Variants in PRKAG2 observed in about 807,000 individuals in gnomAD.
The protein encoded by PRKAG2 is protein kinase AMP-activated non-catalytic subunit gamma 2, also known as 5'-AMP-activated protein kinase subunit gamma-2.
PRKAG2 carries 26 observed loss-of-function variants against 69.6 expected under a neutral mutation model. The ratio of observed to expected loss-of-function variants is 0.37; its 90% CI spans 0.27 to 0.52. PRKAG2 has a LOEUF of 0.52. PRKAG2 is among the 20% of genes least tolerant of loss of function. The pLI is 0.90. For missense variants in PRKAG2, 557 were observed against 740.0 expected (o/e 0.75, Z 2.87); for synonymous variants, 293 against 285.0 (o/e 1.03, Z -0.28).
chr7:151,559,282 C>A lies in PRKAG2; in HGVS notation c.1678+1242G>T, dbSNP rs114303372. On this transcript the variant is annotated intron_variant, in intron 15 of 15. Coordinates refer to ENST00000287878, the MANE Select transcript of PRKAG2 (RefSeq NM_016203.4). Reference sequence around the variant, plus strand: ...ATCGAATGAATGTGACACAATTTATCCATTCTTCTTTTCAAAGATATTTGG... The same window carrying A: ...ATCGAATGAATGTGACACAATTTATACATTCTTCTTTTCAAAGATATTTGG... 788 of 979,308 alleles carry A rather than the reference C, an allele frequency of 8.0e-4. 3 individuals carry two copies. The African/African-American group carries it at 0.01, about 13-fold the overall frequency. 60.7% of individuals were successfully genotyped at this position (979,308 alleles called of 1,614,324 possible). A position where few individuals can be genotyped will look rare whatever the true frequency, so the allele number is the denominator to read the frequency against.
intron 1 of PRKAG2, among the ~76,000 whole-genome samples, chr7:151,789,291 G>C (rs1005065994): frequency 6.6e-6 from 1 of 152,138 alleles, no homozygotes; most frequent in African/African-American, 2.4e-5. Flanking sequence ...ATAAACATAG[G>C]ATGTGTTTTC....
At chr7:151,686,052 T>C (rs880916) in intron 3 of PRKAG2, among the ~76,000 whole-genome samples, 3,858 of 152,166 alleles carry the variant, frequency 0.025, 162 homozygotes, top group African/African-American at 0.088. Context: ...CCCCACTGAG[T>C]CTAACCCGAC....
intron 1 of PRKAG2, among the ~76,000 whole-genome samples, chr7:151,804,313 A>G (rs1367798599): frequency 6.6e-6 from 1 of 152,144 alleles, no homozygotes; most frequent in Non-Finnish European, 1.5e-5. Context: ...CTTGGTCCAT[A>G]CTTCATATTT....
chr7:151,788,007 GC>G lies in PRKAG2; in HGVS notation c.115-1467del, dbSNP rs1277847289. Reference sequence around the variant, plus strand: ...GAGAAAACATATTTCTGTTGTTTAAGCCACCCCACTTAATCTGTAGTGCTTT... The same window carrying G: ...GAGAAAACATATTTCTGTTGTTTAAGCACCCCACTTAATCTGTAGTGCTTT... On this transcript the variant is annotated intron_variant, in intron 1 of 15. Transcript: ENST00000287878. The surrounding 1 kb of genome is among the most constrained non-coding windows in gnomAD (Gnocchi z 4.6). Among the ~76,000 whole-genome samples, 18 of 152,284 alleles carry G rather than the reference GC, an allele frequency of 1.2e-4. No homozygotes were observed. The highest frequency in any genetic ancestry group is 2.9e-5 in the Non-Finnish European group (2 of 68,026).
chr7:151,646,687 A>G (rs1827616714), intron 4 of PRKAG2, among the ~76,000 whole-genome samples: 1 of 152,232 alleles, frequency 6.6e-6, no homozygotes. Context: ...TGTATTATAC[A>G]TAACTCTGAT....
intron 3 of PRKAG2, among the ~76,000 whole-genome samples, chr7:151,752,148 A>G (rs745443285): frequency 1.6e-4 from 25 of 152,222 alleles, no homozygotes; most frequent in Non-Finnish European, 2.5e-4. Flanking sequence ...CATGGAATCA[A>G]CCTAAATGCC....
chr7:151,779,404 T>C (rs1442890645), intron 3 of PRKAG2, among the ~76,000 whole-genome samples: 1 of 152,092 alleles, frequency 6.6e-6, no homozygotes, highest in Non-Finnish European at 1.5e-5. Context: ...TCCCCGCTCC[T>C]CCCTCTCACC....
chr7:151,579,812 G>T (rs959443862), intron 6 of PRKAG2, among the ~76,000 whole-genome samples: 1 of 152,080 alleles, frequency 6.6e-6, no homozygotes, highest in Non-Finnish European at 1.5e-5. Context: ...GCTAGAGGGG[G>T]AAAAGACACA....
At chr7:151,735,450 TC>T (rs1799621755) in intron 3 of PRKAG2, among the ~76,000 whole-genome samples, 2 of 152,038 alleles carry the variant, frequency 1.3e-5, no homozygotes, top group South Asian at 4.1e-4. Flanking sequence ...GTGTTTCCCC[TC>T]CCACATTAGC....
intron 4 of PRKAG2, among the ~76,000 whole-genome samples, chr7:151,669,685 G>T (rs1467981789): frequency 7.1e-6 from 1 of 140,886 alleles, no homozygotes; most frequent in African/African-American, 2.6e-5. Flanking sequence ...TGGGCACCTC[G>T]ACTTAAATGT....
chr7:151,581,745 T>A lies in PRKAG2; in HGVS notation c.865-5293A>T, dbSNP rs143755697. 1.8e-4 allele frequency among the ~76,000 whole-genome samples: 27 copies of A among 152,294 alleles called. No homozygotes were observed. The East Asian group carries it at 4.2e-3, about 24-fold the overall frequency. On this transcript the variant is annotated intron_variant, in intron 6 of 15. Transcript: ENST00000287878. The stretch of plus-strand genomic sequence containing the variant: ...CAGTGAGCCTCATCACACCTCAGGC[T>A]TAAAAGAATGATACCAACAAAAGCA...
intron 1 of PRKAG2, among the ~76,000 whole-genome samples, chr7:151,874,048 G>GATGTA (rs1563772252): frequency 7.6e-6 from 1 of 130,912 alleles, no homozygotes; most frequent in African/African-American, 2.9e-5. Flanking sequence ...TGATGTATAT[G>GATGTA]TATGTATATG....
At chr7:151,829,194 T>G (rs1288885486) in intron 1 of PRKAG2, among the ~76,000 whole-genome samples, 3 of 152,088 alleles carry the variant, frequency 2.0e-5, no homozygotes, top group Non-Finnish European at 2.9e-5. Context: ...ACAACCCAAT[T>G]TAAACACAGG....
intron 3 of PRKAG2, among the ~76,000 whole-genome samples, chr7:151,714,357 C>T (rs549082337): frequency 3.3e-5 from 5 of 152,092 alleles, no homozygotes; most frequent in African/African-American, 7.2e-5. Context: ...TCCTCCCACA[C>T]GCACGCTGCC....
At chr7:151,701,439 G>T (rs1012511744) in intron 3 of PRKAG2, among the ~76,000 whole-genome samples, 5 of 152,194 alleles carry the variant, frequency 3.3e-5, no homozygotes, top group African/African-American at 1.2e-4. Context: ...TCATACTAGG[G>T]TGGGTCCTCA....
Position 151,625,770 on chromosome 7 carries a change from C to T in PRKAG2, c.754+6299G>A, listed in dbSNP as rs186627614. Among the ~76,000 whole-genome samples, 194 of 152,078 alleles carry T rather than the reference C, an allele frequency of 1.3e-3. 1 individual carries two copies. Among genetic ancestry groups the T allele is most frequent in the African/African-American group, 4.3e-3 (178 of 41,488 alleles). ...CTGGTTAAAAAGAAAGAAAACAAACCGAAGAAGGAAGGGGAAGGAAGGAGA... is the reference window on the plus strand; with the variant it reads ...CTGGTTAAAAAGAAAGAAAACAAACTGAAGAAGGAAGGGGAAGGAAGGAGA... On this transcript the variant is annotated intron_variant, in intron 5 of 15. Transcript: ENST00000287878.
chr7:151,778,051 T>C (rs1424160379), intron 3 of PRKAG2, among the ~76,000 whole-genome samples: 2 of 152,142 alleles, frequency 1.3e-5, no homozygotes, highest in African/African-American at 4.8e-5. Flanking sequence ...TGGCAACCAA[T>C]GGACCCCACC....
In PRKAG2 at chr7:151,864,858, C is replaced by T. The variant is rs573767801; in HGVS notation, c.114+11649G>A. On this transcript the variant is annotated intron_variant, in intron 1 of 15. Coordinates refer to ENST00000287878, the MANE Select transcript of PRKAG2 (RefSeq NM_016203.4). ...TCCCCAGGACAAAGCAGTTTCCATACAGCCGTGGTGCTTGAGCCAAACGGA... is the reference window on the plus strand; with the variant it reads ...TCCCCAGGACAAAGCAGTTTCCATATAGCCGTGGTGCTTGAGCCAAACGGA... Among the ~76,000 whole-genome samples the T allele has an allele frequency of 5.9e-5, 9 of 152,162 alleles. No individual in the cohort carries two copies. The South Asian group carries it at 1.2e-3, about 21-fold the overall frequency.
chr7:151,742,048 G>C (rs1000237938), intron 3 of PRKAG2, among the ~76,000 whole-genome samples: 1 of 152,190 alleles, frequency 6.6e-6, no homozygotes, highest in South Asian at 2.1e-4. Flanking sequence ...CATTGAAATT[G>C]AATAACTGAG....
Sources: gnomAD v4.1 joint callset for allele counts (sites outside exome capture counted in the v4.1 genomes callset) on GRCh38, gnomAD v4.1.1 for gene constraint, Gnocchi (gnomAD v3.1) non-coding constraint, MANE v1.5 for transcripts, NCBI Gene and HGNC (gene_info 2026-07-23, HGNC 2026-07-21) for gene names.